The following PKD2 variants were observed in gnomAD, a reference collection of about 807,000 sequenced individuals.
PKD2 encodes polycystin 2, transient receptor potential cation channel.
Under a neutral mutation model 105.9 loss-of-function variants are expected in PKD2, and 48 were observed. The ratio of observed to expected loss-of-function variants is 0.45; its 90% CI spans 0.36 to 0.58. The LOEUF (loss-of-function observed/expected upper bound fraction) is 0.58, where lower values mean the gene tolerates loss of function less well. Ranked by LOEUF, PKD2 falls within the 20% of genes least tolerant of loss-of-function variation. The probability of loss-of-function intolerance (pLI) is 0.00; values close to 1 mark genes in which losing one functional copy is unlikely to be tolerated. For missense variants in PKD2, 1,078 were observed against 1,255.3 expected (o/e 0.86, Z 2.13); for synonymous variants, 464 against 481.1 (o/e 0.96, Z 0.46).
chr4:88,071,599 G>C (rs1393010386), intron 13 of PKD2, among the ~76,000 whole-genome samples: 3 of 151,798 alleles, frequency 2.0e-5, no homozygotes, highest in African/African-American at 4.8e-5. Flanking sequence ...GGACATGTTA[G>C]ATAATATATT....
At chr4:88,026,633 A>T (rs1221518541) in intron 2 of PKD2, among the ~76,000 whole-genome samples, 3 of 152,212 alleles carry the variant, frequency 2.0e-5, no homozygotes, top group African/African-American at 7.2e-5. Flanking sequence ...AGTAACGAGG[A>T]GCTGAATGTG....
chr4:88,057,534 C>A (rs1206555189), intron 8 of PKD2, among the ~76,000 whole-genome samples: 1 of 150,492 alleles, frequency 6.6e-6, no homozygotes, highest in Non-Finnish European at 1.5e-5. Flanking sequence ...CTCCCGGGTT[C>A]AAGCGATTCT....
chr4:88,021,117 T>G (rs1007271874), intron 2 of PKD2, among the ~76,000 whole-genome samples: 4 of 152,240 alleles, frequency 2.6e-5, no homozygotes, highest in Non-Finnish European at 4.4e-5. Context: ...TTAGAATTAC[T>G]AAGTTCTTTT....
At chr4:88,075,070 GT>G in intron 14 of PKD2, 111 bp downstream of exon 14, 1 of 1,191,096 alleles carries the variant, frequency 8.4e-7, no homozygotes, top group Non-Finnish European at 1.2e-6. Flanking sequence ...AAAAATTTAC[GT>G]TTATAGAAAT....
At chr4:88,045,441 T>C (rs1727731759) in intron 5 of PKD2, among the ~76,000 whole-genome samples, 1 of 152,238 alleles carries the variant, frequency 6.6e-6, no homozygotes, top group Admixed American at 6.5e-5. Flanking sequence ...AGTCCTGTTT[T>C]TACTTGATTA....
chr4:88,009,357 A>G (rs938172256), intron 1 of PKD2, among the ~76,000 whole-genome samples: 1 of 152,242 alleles, frequency 6.6e-6, no homozygotes, highest in Non-Finnish European at 1.5e-5. Context: ...AGTCTTGCAC[A>G]AAAACAATCC....
chr4:88,071,517 G>A (rs950403645), intron 13 of PKD2, among the ~76,000 whole-genome samples: 4 of 151,196 alleles, frequency 2.6e-5, no homozygotes, highest in African/African-American at 9.7e-5. Flanking sequence ...TCTTGTGTAT[G>A]GGAACATTTT....
chr4:88,055,943 A>T, intron 7 of PKD2, 143 bp from the exon 8 acceptor site: 1 of 682,340 alleles, frequency 1.5e-6, no homozygotes, highest in Non-Finnish European at 2.6e-6. Flanking sequence ...GGCTTATTTC[A>T]CTTTGCATGA....
chr4:88,014,087 T>G (rs563285781), intron 1 of PKD2, among the ~76,000 whole-genome samples: 25 of 152,142 alleles, frequency 1.6e-4, no homozygotes, highest in African/African-American at 6.0e-4. Flanking sequence ...GCATATGAGC[T>G]GGGATGGAAA....
intron 7 of PKD2, among the ~76,000 whole-genome samples, chr4:88,052,392 C>T (rs1259026906): frequency 4.6e-5 from 7 of 152,074 alleles, no homozygotes; most frequent in East Asian, 1.9e-4. Context: ...CCTTATCCTC[C>T]GAAGTCACTG....
chr4:88,026,319 G>A (rs769447268), intron 2 of PKD2, among the ~76,000 whole-genome samples: 33 of 152,210 alleles, frequency 2.2e-4, no homozygotes, highest in Non-Finnish European at 3.2e-4. Context: ...ATGTTTTAGC[G>A]AAGAGACTGG....
chr4:88,044,706 T>C (rs1050349534), intron 5 of PKD2, among the ~76,000 whole-genome samples: 3 of 152,166 alleles, frequency 2.0e-5, no homozygotes, highest in Non-Finnish European at 1.5e-5. Context: ...ATTTTTCCCT[T>C]AGGGATGTTG....
intron 1 of PKD2, among the ~76,000 whole-genome samples, chr4:88,011,215 T>C (rs1485610115): frequency 1.3e-5 from 2 of 152,230 alleles, no homozygotes; most frequent in Admixed American, 1.3e-4. Context: ...AGATAAAATA[T>C]GGCACTCTGA....
chr4:88,027,060 G>C (rs1461507960), intron 2 of PKD2, among the ~76,000 whole-genome samples: 2 of 152,230 alleles, frequency 1.3e-5, no homozygotes, highest in African/African-American at 4.8e-5. Context: ...GGCAATGCAG[G>C]GGGGAAATGT....
chr4:88,040,029 A>C (rs913721717), intron 4 of PKD2, among the ~76,000 whole-genome samples: 1 of 152,138 alleles, frequency 6.6e-6, no homozygotes, highest in East Asian at 1.9e-4. Flanking sequence ...TTATACAGCC[A>C]CTGCTCTGTG....
chr4:88,008,457 A>G (rs2110080886), intron 1 of PKD2, 129 bp downstream of exon 1: 3 of 1,189,126 alleles, frequency 2.5e-6, no homozygotes, highest in Non-Finnish European at 3.3e-6. Context: ...CTCCCTTGGA[A>G]GCGCATTCCC....
At chr4:88,030,705 C>A (rs1030908782) in intron 2 of PKD2, among the ~76,000 whole-genome samples, 3 of 152,226 alleles carry the variant, frequency 2.0e-5, no homozygotes, top group Non-Finnish European at 4.4e-5. Context: ...TGCTGCCATT[C>A]GGGCCCACCT....
intron 2 of PKD2, among the ~76,000 whole-genome samples, chr4:88,022,436 G>A (rs1726787162): frequency 6.6e-6 from 1 of 152,146 alleles, no homozygotes; most frequent in East Asian, 1.9e-4. Context: ...AGCTCAGAGT[G>A]TTCATAAACA....
At chr4:88,011,853 C>T (rs1726391133) in intron 1 of PKD2, among the ~76,000 whole-genome samples, 1 of 127,014 alleles carries the variant, frequency 7.9e-6, no homozygotes, top group Non-Finnish European at 1.6e-5. Context: ...AGTCTTATGT[C>T]ATCACGAGCA....
Sources: allele counts gnomAD v4.1 joint callset (sites outside exome capture counted in the v4.1 genomes callset), GRCh38; gene constraint gnomAD v4.1.1; transcripts MANE v1.5; gene names NCBI Gene and HGNC (gene_info 2026-07-23, HGNC 2026-07-21).